SLC5A10: variants seen among roughly 807,000 people sequenced by gnomAD.
SLC5A10 encodes solute carrier family 5 member 10, also known as sodium/mannose cotransporter SLC5A10.
Under a neutral mutation model 68.9 loss-of-function variants are expected in SLC5A10, and 55 were observed. The ratio of observed to expected loss-of-function variants is 0.80; its 90% CI spans 0.64 to 1.00. SLC5A10 has a LOEUF of 1.00. Among genes scored for constraint, SLC5A10 ranks in the 50% least tolerant of loss-of-function variants. The pLI is 0.00. For missense variants in SLC5A10, 732 were observed against 819.3 expected (o/e 0.89, Z 1.30); for synonymous variants, 344 against 344.8 (o/e 1.00, Z 0.02).
chr17:18,991,285 G>C (rs79961268), intron 9 of SLC5A10, among the ~76,000 whole-genome samples: 11,688 of 152,166 alleles, frequency 0.077, 756 homozygotes, highest in African/African-American at 0.17. Flanking sequence ...GGCTTGGTCT[G>C]GGAATGACTG....
chr17:18,956,487 T>C (rs1460226508), intron 1 of SLC5A10, among the ~76,000 whole-genome samples: 8 of 131,810 alleles, frequency 6.1e-5, no homozygotes, highest in East Asian at 4.5e-4. Flanking sequence ...TTTTTTTTTT[T>C]CTGTTTTGAG....
intron 8 of SLC5A10, among the ~76,000 whole-genome samples, chr17:18,972,550 C>G (rs1435891310): frequency 1.3e-5 from 2 of 152,190 alleles, no homozygotes; most frequent in African/African-American, 4.8e-5. Context: ...CCCAGAGACC[C>G]TCCCTGGGTT....
At chr17:19,009,646 C>T (rs1416194547) in intron 9 of SLC5A10, among the ~76,000 whole-genome samples, 1 of 152,132 alleles carries the variant, frequency 6.6e-6, no homozygotes, top group Admixed American at 6.5e-5. Context: ...TTGATTACTC[C>T]TCAAGGGACT....
chr17:19,007,193 ATT>A (rs36006919), intron 9 of SLC5A10, among the ~76,000 whole-genome samples: 10,528 of 133,626 alleles, frequency 0.079, 981 homozygotes, highest in African/African-American at 0.23. Flanking sequence ...TGTTACCGCT[ATT>A]TTTTTTTTTT....
At chr17:18,979,675 T>G in intron 9 of SLC5A10, 1 of 1,613,290 alleles carries the variant, frequency 6.2e-7, no homozygotes, top group Non-Finnish European at 8.5e-7. Flanking sequence ...TCTGAGATTC[T>G]GTTTTGGGAA....
At chr17:18,993,016 G>A (rs1300261552) in intron 9 of SLC5A10, among the ~76,000 whole-genome samples, 4 of 152,218 alleles carry the variant, frequency 2.6e-5, no homozygotes, top group African/African-American at 9.7e-5. Flanking sequence ...CTCGCAGGAC[G>A]AGTAGGTAGA....
At chr17:18,965,467 G>C (rs765065684) in intron 5 of SLC5A10, among the ~76,000 whole-genome samples, 16 of 152,250 alleles carry the variant, frequency 1.1e-4, no homozygotes, top group Non-Finnish European at 2.2e-4. Flanking sequence ...GGCTGAGAGC[G>C]GGCAGGGCAA....
chr17:18,958,929 G>C (rs1223098808), intron 2 of SLC5A10, among the ~76,000 whole-genome samples, 176 bp downstream of exon 2: 3 of 152,220 alleles, frequency 2.0e-5, no homozygotes, highest in East Asian at 3.8e-4. Context: ...ATTGTGTAAG[G>C]GGCAGGGGCT....
rs777032333 is a variant in SLC5A10, at chr17:19,022,176, C to T, written c.*1745C>T. 1.6e-5 allele frequency: 21 copies of T among 1,293,382 alleles called. No homozygotes were observed. The highest frequency in any genetic ancestry group is 1.3e-4 in the South Asian group (8 of 59,896). The allele number at this position is 1,293,382 out of a possible 1,614,324, so 80.1% of individuals were successfully genotyped here. A position where few individuals can be genotyped will look rare whatever the true frequency, so the allele number is the denominator to read the frequency against. Reference sequence around the variant, plus strand: ...GAAGAGGAGGTGGTTAGTAGGGTGCCTTCAGAAGCCCTGCAACCCACCCTC... The same window carrying T: ...GAAGAGGAGGTGGTTAGTAGGGTGCTTTCAGAAGCCCTGCAACCCACCCTC... On this transcript the variant is annotated 3_prime_UTR_variant, in exon 15 of 15. Coordinates refer to ENST00000395645, the MANE Select transcript of SLC5A10 (RefSeq NM_001042450.4).
chr17:18,971,579 A>G lies in SLC5A10; in HGVS notation c.846+361A>G. On this transcript the variant is annotated intron_variant, in intron 8 of 14. Coordinates refer to ENST00000395645, the MANE Select transcript of SLC5A10 (RefSeq NM_001042450.4). The surrounding 1 kb of genome is among the most constrained non-coding windows in gnomAD (Gnocchi z 5.5). ...GCCGGGATCCGGAAGCAGGCGGGGTACCTGACCTCCCTTGGCCTGCCAGTG... is the reference window on the plus strand; with the variant it reads ...GCCGGGATCCGGAAGCAGGCGGGGTGCCTGACCTCCCTTGGCCTGCCAGTG... The G allele has an allele frequency of 1.2e-6, 2 of 1,613,472 alleles. No individual in the cohort carries two copies. The highest frequency in any genetic ancestry group is 8.5e-7 in the Non-Finnish European group (1 of 1,179,998).
chr17:18,986,057 G>C (rs914535688), intron 9 of SLC5A10: 2 of 152,318 alleles, frequency 1.3e-5, no homozygotes, highest in African/African-American at 4.8e-5. Flanking sequence ...GAGGCCCAGA[G>C]AGGTGGAACC....
Position 19,018,398 on chromosome 17 carries a change from T to G in SLC5A10, c.1242-1025T>G, listed in dbSNP as rs948430335. ...CAAGGCTCGGGGAGGGGGTGCCTCC[T>G]CCTGAAAGCCCTCCTAGATTGATGT... On this transcript the variant is annotated intron_variant, in intron 11 of 14. Transcript: ENST00000395645. This position sits in a 1 kb window ranked among gnomAD's most constrained non-coding sequence, Gnocchi z 4.2. 4 of 152,284 alleles carry G rather than the reference T, an allele frequency of 2.6e-5. No homozygotes were observed. The highest frequency in any genetic ancestry group is 4.4e-5 in the Non-Finnish European group (3 of 68,086). 9.4% of individuals were successfully genotyped at this position (152,284 alleles called of 1,614,324 possible).
chr17:19,014,183 T>G (rs2044081480), intron 10 of SLC5A10, among the ~76,000 whole-genome samples: 2 of 152,150 alleles, frequency 1.3e-5, no homozygotes, highest in South Asian at 4.2e-4. Context: ...TTTGTAGAGG[T>G]AAAGGAGGTG....
In SLC5A10 at chr17:19,017,576, G is replaced by T; in HGVS notation, c.1242-1847G>T. The T allele has an allele frequency of 1.7e-6, 1 of 601,334 alleles. No individual in the cohort carries two copies. The highest frequency in any genetic ancestry group is 2.9e-5 in the East Asian group (1 of 34,158). The allele number at this position is 601,334 out of a possible 1,614,324, so 37.2% of individuals were successfully genotyped here. On this transcript the variant is annotated intron_variant, in intron 11 of 14. Coordinates refer to ENST00000395645, the MANE Select transcript of SLC5A10 (RefSeq NM_001042450.4). This position sits in a 1 kb window ranked among gnomAD's most constrained non-coding sequence, Gnocchi z 5.6. ...GGAGGAGCCGTCACAGGCTGGGGGA[G>T]AGCGATGACCCGCCCCCACTCCCGT...
intron 9 of SLC5A10, among the ~76,000 whole-genome samples, chr17:18,988,904 G>A (rs1193165307): frequency 6.6e-6 from 1 of 152,202 alleles, no homozygotes; most frequent in African/African-American, 2.4e-5. Flanking sequence ...CAGTGGTCAG[G>A]GCCTTCCCCC....
intron 5 of SLC5A10, among the ~76,000 whole-genome samples, chr17:18,965,990 G>A (rs542953503): frequency 1.5e-4 from 23 of 152,326 alleles, no homozygotes; most frequent in African/African-American, 4.8e-4. Flanking sequence ...GCAGCACTGG[G>A]GGAGACCTGA....
chr17:19,017,387 G>A lies in SLC5A10; in HGVS notation c.1242-2036G>A, dbSNP rs1372401967. 1.3e-6 allele frequency: 2 copies of A among 1,551,594 alleles called. No individual in the cohort carries two copies. The highest frequency in any genetic ancestry group is 2.4e-5 in the East Asian group (1 of 40,928). On this transcript the variant is annotated intron_variant, in intron 11 of 14. Coordinates refer to ENST00000395645, the MANE Select transcript of SLC5A10 (RefSeq NM_001042450.4). The surrounding 1 kb of genome is among the most constrained non-coding windows in gnomAD (Gnocchi z 5.6). ...GTATCTCCTAGGCCTCGTGGTCATG[G>A]ATCTCTGGTAGGGTGAATGGCCTGA... is the stretch of plus-strand genomic sequence containing the variant.
At chr17:18,984,079 A>C (rs902764099) in intron 9 of SLC5A10, among the ~76,000 whole-genome samples, 2 of 152,126 alleles carry the variant, frequency 1.3e-5, no homozygotes, top group East Asian at 1.9e-4. Context: ...GCGGTGGCTC[A>C]CGCCTGTAAT....
intron 9 of SLC5A10, among the ~76,000 whole-genome samples, chr17:18,984,893 C>A (rs1776441371): frequency 1.3e-5 from 2 of 152,248 alleles, no homozygotes; most frequent in African/African-American, 2.4e-5. Context: ...GCCACTGGGG[C>A]CGGCCAGGGC....
Sources: gnomAD v4.1 joint callset for allele counts (sites outside exome capture counted in the v4.1 genomes callset) on GRCh38, gnomAD v4.1.1 for gene constraint, Gnocchi (gnomAD v3.1) non-coding constraint, MANE v1.5 for transcripts, NCBI Gene and HGNC (gene_info 2026-07-23, HGNC 2026-07-21) for gene names.